Variants in UCHL5 observed in about 807,000 individuals in gnomAD.
UCHL5 encodes ubiquitin C-terminal hydrolase L5.
Under a neutral mutation model 53.8 loss-of-function variants are expected in UCHL5, and 34 were observed. The observed-to-expected ratio is 0.63, with a 90% CI of 0.48 to 0.84. The LOEUF is 0.84. Ranked by LOEUF, UCHL5 falls within the 40% of genes least tolerant of loss-of-function variation. The probability of loss-of-function intolerance (pLI) is 0.00; values close to 1 mark genes in which losing one functional copy is unlikely to be tolerated. For missense variants in UCHL5, 290 were observed against 385.6 expected, an observed-to-expected ratio of 0.75 and a Z score of 2.08; for synonymous variants, 111 against 126.3, an observed-to-expected ratio of 0.88 and a Z score of 0.81.
chr1:193,024,461 A>G (rs768501983), intron 7 of UCHL5, among the ~76,000 whole-genome samples: 3 of 151,338 alleles, frequency 2.0e-5, no homozygotes, highest in Non-Finnish European at 4.4e-5. Flanking sequence ...GAGACTCCAT[A>G]TTTCTTAAAT....
chr1:193,044,123 G>A (rs907234203), intron 3 of UCHL5, among the ~76,000 whole-genome samples: 1 of 152,074 alleles, frequency 6.6e-6, no homozygotes, highest in Non-Finnish European at 1.5e-5. Flanking sequence ...GTAGTTTTGT[G>A]GACAGTTCCT....
intron 3 of UCHL5, among the ~76,000 whole-genome samples, chr1:193,038,693 T>C (rs958894895): frequency 1.3e-5 from 2 of 151,544 alleles, no homozygotes; most frequent in African/African-American, 4.8e-5. Context: ...GATAAACGAG[T>C]TCAGTAAAGT....
chr1:193,057,477 A>G (rs550014867), intron 1 of UCHL5: 1 of 152,628 alleles, frequency 6.6e-6, no homozygotes, highest in East Asian at 1.9e-4. Context: ...CCACTAGTTT[A>G]GCCAATCATC....
rs1484221833 is a variant in UCHL5, at chr1:193,022,948, ACTT to A, written c.818_820del (p.Glu273del). The A allele has an allele frequency of 1.9e-6, 3 of 1,610,736 alleles. No individual in the cohort carries two copies. The highest frequency in any genetic ancestry group is 2.2e-5 in the East Asian group (1 of 44,708). Reference sequence around the variant, plus strand: ...TACCTTGTATCTTTTTAATTTCTGTACTTCTTCTTCAATAAGCATCTGATTTTT... The same window carrying A: ...TACCTTGTATCTTTTTAATTTCTGTACTTCTTCAATAAGCATCTGATTTTT... On this transcript the variant is annotated inframe_deletion, in exon 9 of 11. Coordinates refer to ENST00000367454, the MANE Select transcript of UCHL5 (RefSeq NM_001199261.3).
At chr1:193,060,059 C>G, upstream of UCHL5, 6 of 1,326,232 alleles carry the variant, frequency 4.5e-6, no homozygotes, top group Non-Finnish European at 6.0e-6. Flanking sequence ...TCGCTCCCCA[C>G]AGGCCGACGT....
At chr1:193,042,092 C>G (rs1348371127) in intron 3 of UCHL5, among the ~76,000 whole-genome samples, 2 of 149,372 alleles carry the variant, frequency 1.3e-5, no homozygotes, top group Non-Finnish European at 3.0e-5. Flanking sequence ...GGTGACAGAG[C>G]GAGATCCTGT....
chr1:193,030,922 G>A (rs1661140858), intron 3 of UCHL5, among the ~76,000 whole-genome samples: 1 of 151,992 alleles, frequency 6.6e-6, no homozygotes, highest in South Asian at 2.1e-4. Context: ...GAATAGTCTC[G>A]TACTCCTAAT....
chr1:193,020,038 T>C (rs991148963), intron 10 of UCHL5: 8 of 984,918 alleles, frequency 8.1e-6, no homozygotes, highest in Non-Finnish European at 9.6e-6. Flanking sequence ...AATCTAAAAC[T>C]TTAAAAACAG....
chr1:193,033,386 G>C (rs575529937), intron 3 of UCHL5, among the ~76,000 whole-genome samples: 4 of 152,002 alleles, frequency 2.6e-5, no homozygotes, highest in Non-Finnish European at 5.9e-5. Context: ...GGGGGGTTGC[G>C]GGCAAGGGGA....
At chr1:193,060,060 A>T, upstream of UCHL5, 1 of 1,323,332 alleles carries the variant, frequency 7.6e-7, no homozygotes, top group Non-Finnish European at 1.0e-6. Context: ...CGCTCCCCAC[A>T]GGCCGACGTC....
In UCHL5 at chr1:193,029,371, A is replaced by C. The variant is rs759269436; in HGVS notation, c.434+17T>G. On this transcript the variant is annotated intron_variant, in intron 5 of 10. Coordinates refer to ENST00000367454, the MANE Select transcript of UCHL5 (RefSeq NM_001199261.3). ...CAAAGAAAGAAACAGTATTTATTTA[A>C]CATAAAGTCTCTTTACCTGGCGAAA... 4 of 1,613,636 alleles carry C rather than the reference A, an allele frequency of 2.5e-6. No individual in the cohort carries two copies. In the South Asian group the frequency reaches 4.4e-5, roughly 18 times the overall value.
intron 10 of UCHL5, chr1:193,018,855 A>G: frequency 6.5e-7 from 1 of 1,544,056 alleles, no homozygotes; most frequent in Non-Finnish European, 8.8e-7. Context: ...CACTATTCCA[A>G]CTTATCTATT....
intron 3 of UCHL5, among the ~76,000 whole-genome samples, chr1:193,047,416 T>C (rs527930321): frequency 1.3e-5 from 2 of 152,136 alleles, no homozygotes; most frequent in African/African-American, 4.8e-5. Context: ...AACTACACTA[T>C]AAAAAACCCT....
intron 3 of UCHL5, among the ~76,000 whole-genome samples, chr1:193,047,585 C>A (rs1667754755): frequency 6.6e-6 from 1 of 152,096 alleles, no homozygotes; most frequent in Non-Finnish European, 1.5e-5. Flanking sequence ...TGAGAATAAG[C>A]AGTTTTATTT....
At chr1:193,045,229 C>T (rs545868068) in intron 3 of UCHL5, among the ~76,000 whole-genome samples, 1 of 152,270 alleles carries the variant, frequency 6.6e-6, no homozygotes, top group South Asian at 2.1e-4. Context: ...AACAAAATCC[C>T]TAACTCCCAG....
intron 3 of UCHL5, among the ~76,000 whole-genome samples, chr1:193,029,968 T>C (rs1660762604): frequency 1.3e-5 from 2 of 152,126 alleles, no homozygotes; most frequent in African/African-American, 4.8e-5. Context: ...ACAGAGCTTG[T>C]CCCCCTCTCC....
rs776639927 is a variant in UCHL5, at chr1:193,059,307, C to A, written c.-47G>T. 10 of 1,610,120 alleles carry A rather than the reference C, an allele frequency of 6.2e-6. No individual in the cohort carries two copies. Among genetic ancestry groups the A allele is most frequent in the Non-Finnish European group, 8.5e-6 (10 of 1,178,366 alleles). On this transcript the variant is annotated 5_prime_UTR_variant, in exon 1 of 11. Coordinates refer to ENST00000367454, the MANE Select transcript of UCHL5 (RefSeq NM_001199261.3). This position sits in a 1 kb window ranked among gnomAD's most constrained non-coding sequence, Gnocchi z 4.9. Reference sequence around the variant, plus strand: ...CGATCCACCTCTCGCTCTCAGCTGCCCCCCGCACCAGCTGCCGCCGGCCAC... The same window carrying A: ...CGATCCACCTCTCGCTCTCAGCTGCACCCCGCACCAGCTGCCGCCGGCCAC...
chr1:193,053,329 C>A (rs1412168630), intron 1 of UCHL5, among the ~76,000 whole-genome samples: 2 of 152,112 alleles, frequency 1.3e-5, no homozygotes, highest in Non-Finnish European at 2.9e-5. Context: ...CTACATCATA[C>A]CACAACAATA....
rs139221258 is a variant in UCHL5, at chr1:193,030,547, T to C, written c.247-890A>G. Among the ~76,000 whole-genome samples, 198 of 152,292 alleles carry C rather than the reference T, an allele frequency of 1.3e-3. 4 individuals carry two copies. In the East Asian group the frequency reaches 0.035, roughly 27 times the overall value. Reference sequence around the variant, plus strand: ...CCACACTGCCTAAGCACCTATGGTATTGAGATCATGAAGCTGGAAAGAACC... The same window carrying C: ...CCACACTGCCTAAGCACCTATGGTACTGAGATCATGAAGCTGGAAAGAACC... On this transcript the variant is annotated intron_variant, in intron 3 of 10. Transcript: ENST00000367454.
Sources: gnomAD v4.1 joint callset for allele counts (sites outside exome capture counted in the v4.1 genomes callset) on GRCh38, gnomAD v4.1.1 for gene constraint, Gnocchi (gnomAD v3.1) non-coding constraint, MANE v1.5 for transcripts, NCBI Gene and HGNC (gene_info 2026-07-23, HGNC 2026-07-21) for gene names.